Variants in EXOC4 observed in about 807,000 individuals in gnomAD.
EXOC4 encodes SEC8-like 1.
Under a neutral mutation model 107.2 loss-of-function variants are expected in EXOC4, and 71 were observed. The observed-to-expected ratio is 0.66, with a 90% CI of 0.55 to 0.81. The LOEUF (loss-of-function observed/expected upper bound fraction) is 0.81, where lower values mean the gene tolerates loss of function less well. Ranked by LOEUF, EXOC4 falls within the 30% of genes least tolerant of loss-of-function variation. The pLI is 0.00. For missense variants in EXOC4, 1,108 were observed against 1,189.6 expected, an observed-to-expected ratio of 0.93 and a Z score of 1.01; for synonymous variants, 456 against 441.2, an observed-to-expected ratio of 1.03 and a Z score of -0.42.
intron 9 of EXOC4, among the ~76,000 whole-genome samples, chr7:133,486,026 A>C (rs1584953312): frequency 1.3e-5 from 2 of 152,146 alleles, no homozygotes; most frequent in East Asian, 3.9e-4. Flanking sequence ...TGCCATTTTT[A>C]TTTCCATTAG....
intron 14 of EXOC4, among the ~76,000 whole-genome samples, chr7:133,994,988 C>G (rs1295191144): frequency 6.6e-6 from 1 of 152,114 alleles, no homozygotes; most frequent in Non-Finnish European, 1.5e-5. Flanking sequence ...CTGAGGAGTT[C>G]ACAAGCCAAC....
Position 133,275,107 on chromosome 7 carries a change from C to G in EXOC4, c.212C>G (p.Thr71Arg), listed in dbSNP as rs1793958193. 27 of 1,613,658 alleles carry G rather than the reference C, an allele frequency of 1.7e-5. No homozygotes were observed. Among genetic ancestry groups the G allele is most frequent in the Non-Finnish European group, 2.3e-5 (27 of 1,179,698 alleles). The change falls in exon 2 of 18, where the codon ACA (threonine) becomes AGA (arginine). Residue 71 changes from threonine (T) to arginine (R), a missense_variant. By Grantham distance (71) the Thr-to-Arg change is moderately conservative (BLOSUM62 -1). Transcript: ENST00000253861. Reference protein sequence around the residue: ...LIVQHYTELTTAIRTYQSITE... With the variant: ...LIVQHYTELTRAIRTYQSITE... ...GTACAGCACTACACAGAATTGACGA[C>G]AGCCATTCGCACATACCAGAGCATC...
chr7:133,259,318 C>T (rs1488874446), intron 1 of EXOC4, among the ~76,000 whole-genome samples: 7 of 150,944 alleles, frequency 4.6e-5, no homozygotes, highest in Admixed American at 6.6e-5. Flanking sequence ...CTGCAGCCTC[C>T]GCCTCCTGGG....
At position 133,823,895 on chromosome 7, in the gene EXOC4, T is replaced by TA. The variant is rs1329511518; in HGVS notation, c.1734+6351_1734+6352insA. Among the ~76,000 whole-genome samples, 25 of 17,866 alleles carry TA rather than the reference T, an allele frequency of 1.4e-3. No homozygotes were observed. The African/African-American group carries it at 0.018, about 13-fold the overall frequency. The allele number at this position is 17,866 out of a possible 152,430, so 11.7% of individuals were successfully genotyped here. On this transcript the variant is annotated intron_variant, in intron 11 of 17. Transcript: ENST00000253861. ...TATTATATATATATATATATATATT[T>TA]TATATATATATATATAAATATATAT... is the stretch of plus-strand genomic sequence containing the variant.
At chr7:133,829,091 G>A (rs1005494290) in intron 11 of EXOC4, among the ~76,000 whole-genome samples, 2 of 152,144 alleles carry the variant, frequency 1.3e-5, no homozygotes, top group Non-Finnish European at 2.9e-5. Flanking sequence ...AGAAGGCAGA[G>A]GAGAAAAGTG....
chr7:133,768,728 ACT>A (rs1796186989), intron 10 of EXOC4, among the ~76,000 whole-genome samples: 1 of 151,834 alleles, frequency 6.6e-6, no homozygotes, highest in Admixed American at 6.6e-5. Context: ...TCAATTCAAC[ACT>A]CTTTGAGATT....
chr7:133,564,086 A>G (rs967259769), intron 9 of EXOC4, among the ~76,000 whole-genome samples: 5 of 152,190 alleles, frequency 3.3e-5, no homozygotes, highest in African/African-American at 1.2e-4. Context: ...AGCAGGTTGT[A>G]TTAGTCCGTT....
At chr7:133,417,181 G>A (rs1373612128) in intron 7 of EXOC4, among the ~76,000 whole-genome samples, 7 of 152,166 alleles carry the variant, frequency 4.6e-5, no homozygotes, top group African/African-American at 1.7e-4. Context: ...TGTTTGAACA[G>A]TTCTTTTATG....
At chr7:133,259,060 A>G (rs564284972) in intron 1 of EXOC4, among the ~76,000 whole-genome samples, 3 of 152,200 alleles carry the variant, frequency 2.0e-5, no homozygotes, top group South Asian at 2.1e-4. Context: ...TTGTCCAGCA[A>G]TCTCATTTCC....
At chr7:133,317,255 T>C (rs371713818) in intron 4 of EXOC4, 29 bp from the exon 5 acceptor site, 14 of 1,518,532 alleles carry the variant, frequency 9.2e-6, no homozygotes, top group Non-Finnish European at 1.3e-5. Context: ...TTGAAGAAAG[T>C]GGTAACTAGT....
At chr7:134,097,850 A>G in the EXOC4 span, among the ~76,000 whole-genome samples, 106 of 152,218 alleles carry the variant, frequency 7.0e-4, no homozygotes, top group Non-Finnish European at 1.3e-4. Context: ...GGTGGCATCA[A>G]CTGACCACCT....
At chr7:133,728,605 A>G (rs1469015158) in intron 10 of EXOC4, among the ~76,000 whole-genome samples, 1 of 152,168 alleles carries the variant, frequency 6.6e-6, no homozygotes, top group Non-Finnish European at 1.5e-5. Context: ...ATTGCCATCT[A>G]GCTATTTGTA....
intron 15 of EXOC4, among the ~76,000 whole-genome samples, chr7:133,998,167 C>G (rs2116289042): frequency 6.6e-6 from 1 of 152,120 alleles, no homozygotes; most frequent in East Asian, 1.9e-4. Flanking sequence ...TTTAGTTAAC[C>G]CAGTATATCC....
At chr7:133,978,103 C>CTT (rs1793886590) in intron 14 of EXOC4, among the ~76,000 whole-genome samples, 1 of 152,172 alleles carries the variant, frequency 6.6e-6, no homozygotes, top group South Asian at 2.1e-4. Flanking sequence ...ACTCTTCAAC[C>CTT]CAGGTTCAAA....
chr7:134,002,034 C>A (rs1315181529), intron 15 of EXOC4, among the ~76,000 whole-genome samples: 2 of 152,200 alleles, frequency 1.3e-5, no homozygotes, highest in South Asian at 4.1e-4. Context: ...AATCAGTGTG[C>A]TAGTCATGAA....
chr7:133,995,374 A>G (rs971248167), intron 14 of EXOC4, among the ~76,000 whole-genome samples: 1 of 152,204 alleles, frequency 6.6e-6, no homozygotes, highest in African/African-American at 2.4e-5. Flanking sequence ...GCCTCTTCTC[A>G]TTGATACGTA....
intron 14 of EXOC4, among the ~76,000 whole-genome samples, chr7:133,957,272 A>T (rs1800839708): frequency 6.6e-6 from 1 of 152,252 alleles, no homozygotes; most frequent in Non-Finnish European, 1.5e-5. Flanking sequence ...CAGAATAATT[A>T]TAGACTGTTA....
At chr7:133,622,763 A>G (rs372742893) in intron 9 of EXOC4, among the ~76,000 whole-genome samples, 2 of 152,162 alleles carry the variant, frequency 1.3e-5, no homozygotes, top group South Asian at 2.1e-4. Context: ...CTCCATCACA[A>G]TATCAGGGTT....
At chr7:133,969,461 T>C (rs937594787) in intron 14 of EXOC4, among the ~76,000 whole-genome samples, 1 of 152,258 alleles carries the variant, frequency 6.6e-6, no homozygotes, top group African/African-American at 2.4e-5. Context: ...TGCTGGTTTT[T>C]CCTCATCTTC....
Sources: gnomAD v4.1 joint callset for allele counts (sites outside exome capture counted in the v4.1 genomes callset) on GRCh38, gnomAD v4.1.1 for gene constraint, MANE v1.5 for transcripts, NCBI Gene and HGNC (gene_info 2026-07-23, HGNC 2026-07-21) for gene names.